The following PLCL1 variants were observed in gnomAD, a reference collection of about 807,000 sequenced individuals.
The protein encoded by PLCL1 is phospholipase C like 1 (inactive).
PLCL1 carries 41 observed loss-of-function variants against 84.4 expected under a neutral mutation model. The observed-to-expected ratio is 0.49, with a 90% CI of 0.38 to 0.63. The LOEUF (loss-of-function observed/expected upper bound fraction) is 0.63, where lower values mean the gene tolerates loss of function less well. Ranked by LOEUF, PLCL1 falls within the 30% of genes least tolerant of loss-of-function variation. PLCL1 has a pLI of 0.00. For synonymous variants in PLCL1, 490 were observed against 488.3 expected (o/e 1.00, Z -0.05); for missense variants, 1,206 against 1,367.8 (o/e 0.88, Z 1.87).
chr2:198,073,546 T>C (rs1233276037), intron 1 of PLCL1, among the ~76,000 whole-genome samples: 2 of 152,236 alleles, frequency 1.3e-5, no homozygotes, highest in African/African-American at 2.4e-5. Flanking sequence ...ATCTCTATGA[T>C]AGCTAGTCCC....
Position 197,872,748 on chromosome 2 carries a change from ATAT to A in PLCL1, c.240+67420_240+67422del, listed in dbSNP as rs552446012. 1.3e-5 allele frequency among the ~76,000 whole-genome samples: 2 copies of A among 152,158 alleles called. 1 individual carries two copies. The highest frequency in any genetic ancestry group is 4.1e-4 in the South Asian group (2 of 4,832). ...TATTTTTGTGATTACAATTGTAATT[ATAT>A]TATTATTATTTGTTTAAAATGCCAG... On this transcript the variant is annotated intron_variant, in intron 1 of 5. Coordinates refer to ENST00000428675, the MANE Select transcript of PLCL1 (RefSeq NM_006226.4).
chr2:198,008,267 A>G (rs951542664), intron 1 of PLCL1, among the ~76,000 whole-genome samples: 3 of 152,134 alleles, frequency 2.0e-5, no homozygotes, highest in South Asian at 2.1e-4. Flanking sequence ...TGTAGGGTTC[A>G]GTAGTGTTAA....
chr2:198,074,814 T>A (rs1172717525), intron 1 of PLCL1, among the ~76,000 whole-genome samples: 2 of 152,198 alleles, frequency 1.3e-5, no homozygotes, highest in Non-Finnish European at 2.9e-5. Context: ...ATTTTTCAGA[T>A]AAAGTATTTT....
At position 198,030,043 on chromosome 2, in the gene PLCL1, T is replaced by G. The variant is rs577720721; in HGVS notation, c.241-53715T>G. Among the ~76,000 whole-genome samples, 5 of 152,228 alleles carry G rather than the reference T, an allele frequency of 3.3e-5. No individual in the cohort carries two copies. The South Asian group carries it at 1.0e-3, about 32-fold the overall frequency. On this transcript the variant is annotated intron_variant, in intron 1 of 5. Transcript: ENST00000428675. ...TTTTAAGTTCAGTCAGGGGTATATG[T>G]GCAGGTTTGTTACACAGGTAAAACC... is the stretch of plus-strand genomic sequence containing the variant.
chr2:197,944,239 AT>A (rs34317351), intron 1 of PLCL1, among the ~76,000 whole-genome samples: 73,401 of 151,878 alleles, frequency 0.48, 18,139 homozygotes, highest in Middle Eastern at 0.57. Context: ...TGAAGAGACA[AT>A]TTTGTCTCTT....
chr2:197,839,847 A>T (rs1162002008), intron 1 of PLCL1, among the ~76,000 whole-genome samples: 1 of 152,158 alleles, frequency 6.6e-6, no homozygotes, highest in African/African-American at 2.4e-5. Flanking sequence ...TTACTTTTTT[A>T]AAAACTGCAT....
In PLCL1 at chr2:198,073,481, A is replaced by G. The variant is rs561434986; in HGVS notation, c.241-10277A>G. Among the ~76,000 whole-genome samples the G allele has an allele frequency of 2.6e-5, 4 of 152,330 alleles. No homozygotes were observed. The East Asian group carries it at 7.7e-4, about 29-fold the overall frequency. ...TTATGGGTAAAACTTAAAACCTTTA[A>G]TCAGATTCATCTTGACGTTGAAACC... is the stretch of plus-strand genomic sequence containing the variant. On this transcript the variant is annotated intron_variant, in intron 1 of 5. Transcript: ENST00000428675.
At chr2:197,978,153 C>T (rs1432514037) in intron 1 of PLCL1, among the ~76,000 whole-genome samples, 1 of 152,148 alleles carries the variant, frequency 6.6e-6, no homozygotes, top group Non-Finnish European at 1.5e-5. Flanking sequence ...TTAAGTGAAA[C>T]CAATTTTACC....
At chr2:198,079,353 G>C (rs913077184) in intron 1 of PLCL1, among the ~76,000 whole-genome samples, 2 of 151,784 alleles carry the variant, frequency 1.3e-5, no homozygotes, top group Non-Finnish European at 2.9e-5. Flanking sequence ...ATTTAATCAT[G>C]ATTGGTATCC....
intron 1 of PLCL1, among the ~76,000 whole-genome samples, chr2:197,850,573 G>C (rs78113105): frequency 0.012 from 1,796 of 152,150 alleles, 43 homozygotes; most frequent in African/African-American, 0.04. Context: ...AAGAAGGTGG[G>C]TTTCATAAGT....
At chr2:197,917,498 G>C (rs896579312) in intron 1 of PLCL1, among the ~76,000 whole-genome samples, 1 of 152,152 alleles carries the variant, frequency 6.6e-6, no homozygotes, top group Non-Finnish European at 1.5e-5. Flanking sequence ...GAAGTACAGA[G>C]AATTTTTTAG....
intron 1 of PLCL1, among the ~76,000 whole-genome samples, chr2:197,809,408 G>A (rs1408953251): frequency 6.6e-6 from 1 of 152,204 alleles, no homozygotes; most frequent in Non-Finnish European, 1.5e-5. Flanking sequence ...GCCCGAACAC[G>A]TGAGATAGTG....
At chr2:198,041,763 T>C (rs759726443) in intron 1 of PLCL1, among the ~76,000 whole-genome samples, 1 of 152,190 alleles carries the variant, frequency 6.6e-6, no homozygotes, top group African/African-American at 2.4e-5. Flanking sequence ...GATACGAACA[T>C]AGCCATGAAA....
intron 1 of PLCL1, among the ~76,000 whole-genome samples, chr2:197,990,360 C>T (rs1690316054): frequency 6.6e-6 from 1 of 152,180 alleles, no homozygotes; most frequent in Non-Finnish European, 1.5e-5. Flanking sequence ...TACAAACATA[C>T]ACCTCAGGAC....
At chr2:197,847,228 A>G (rs1351409271) in intron 1 of PLCL1, among the ~76,000 whole-genome samples, 1 of 152,118 alleles carries the variant, frequency 6.6e-6, no homozygotes, top group Admixed American at 6.6e-5. Flanking sequence ...AACCTATGCA[A>G]CCTTCAAGTT....
chr2:197,923,156 G>A (rs7576677), intron 1 of PLCL1, among the ~76,000 whole-genome samples: 27,721 of 133,694 alleles, frequency 0.21, 1,036 homozygotes, highest in East Asian at 0.37. Context: ...AGGGGCGGCC[G>A]GGCAGAGGCG....
At chr2:197,831,420 AG>A (rs1188257135) in intron 1 of PLCL1, among the ~76,000 whole-genome samples, 2 of 152,220 alleles carry the variant, frequency 1.3e-5, no homozygotes. Flanking sequence ...AAAAAGACAA[AG>A]AAGGGCATTA....
chr2:198,093,071 C>T (rs1006211091), intron 3 of PLCL1, among the ~76,000 whole-genome samples: 3 of 152,152 alleles, frequency 2.0e-5, no homozygotes, highest in African/African-American at 7.2e-5. Context: ...GGCTAAAAAA[C>T]TTACAGAGTA....
intron 1 of PLCL1, among the ~76,000 whole-genome samples, chr2:197,932,525 C>T (rs72926537): frequency 0.016 from 2,361 of 152,206 alleles, 24 homozygotes; most frequent in Non-Finnish European, 0.025. Context: ...CCCCCTACCC[C>T]CCAAACCCAG....
Sources: allele counts gnomAD v4.1 joint callset (sites outside exome capture counted in the v4.1 genomes callset), GRCh38; gene constraint gnomAD v4.1.1; transcripts MANE v1.5; gene names NCBI Gene and HGNC (gene_info 2026-07-23, HGNC 2026-07-21).